LHFPL3: variants seen among roughly 807,000 people sequenced by gnomAD.
The protein encoded by LHFPL3 is LHFPL tetraspan subfamily member 3.
In LHFPL3, 5 loss-of-function variants were observed where a neutral mutation model predicts 19.3. The ratio of observed to expected loss-of-function variants is 0.26; its 90% confidence interval spans 0.14 to 0.54. The LOEUF (loss-of-function observed/expected upper bound fraction) is 0.54, where lower values mean the gene tolerates loss of function less well. Ranked by LOEUF, LHFPL3 falls within the 20% of genes least tolerant of loss-of-function variation. LHFPL3 has a pLI of 0.94. For synonymous variants in LHFPL3, 133 were observed against 126.2 expected (o/e 1.05, Z -0.36); for missense variants, 249 against 307.4 (o/e 0.81, Z 1.42).
At chr7:104,462,378 G>T (rs751616677) in intron 1 of LHFPL3, among the ~76,000 whole-genome samples, 20 of 152,228 alleles carry the variant, frequency 1.3e-4, no homozygotes, top group Non-Finnish European at 2.2e-4. Flanking sequence ...GTCATGGATG[G>T]CTATTATTTT....
intron 1 of LHFPL3, among the ~76,000 whole-genome samples, chr7:104,465,388 C>T (rs185335811): frequency 1.3e-5 from 2 of 152,316 alleles, no homozygotes; most frequent in East Asian, 3.9e-4. Context: ...GTTGATTCCA[C>T]ATTTTCGGGT....
rs1196038792 is a variant in LHFPL3 at position 104,502,769 on chromosome 7, G to A, written c.445+173545G>A. 2.6e-5 allele frequency among the ~76,000 whole-genome samples: 4 copies of A among 152,260 alleles called. No homozygotes were observed. In the East Asian group the frequency reaches 7.7e-4, roughly 29 times the overall value. ...TCCAAGAACATTTATTTTTTCCAAT[G>A]TCGGTATTGTTAGGGCATAAATAGT... On this transcript the variant is annotated intron_variant, in intron 1 of 2. Transcript: ENST00000424859.
At chr7:104,660,023 A>G in intron 1 of LHFPL3, among the ~76,000 whole-genome samples, 1 of 128,334 alleles carries the variant, frequency 7.8e-6, no homozygotes, top group East Asian at 2.3e-4. Context: ...TTTTTTTGAG[A>G]CGGAGTCTCA....
intron 1 of LHFPL3, among the ~76,000 whole-genome samples, chr7:104,488,861 A>G (rs931827116): frequency 2.0e-5 from 3 of 152,216 alleles, no homozygotes; most frequent in Non-Finnish European, 4.4e-5. Context: ...GCCACTGAGA[A>G]TGAGTAGAAA....
At chr7:104,482,404 A>C (rs1793154942) in intron 1 of LHFPL3, among the ~76,000 whole-genome samples, 1 of 152,222 alleles carries the variant, frequency 6.6e-6, no homozygotes, top group African/African-American at 2.4e-5. Context: ...GGGGTCCAAC[A>C]GGGTTAATGC....
chr7:104,375,819 A>C (rs924793264), intron 1 of LHFPL3, among the ~76,000 whole-genome samples: 1 of 152,208 alleles, frequency 6.6e-6, no homozygotes, highest in Non-Finnish European at 1.5e-5. Flanking sequence ...TTTCCAAAGA[A>C]GGCATTATTA....
intron 1 of LHFPL3, among the ~76,000 whole-genome samples, chr7:104,654,131 A>G (rs1446746112): frequency 2.6e-5 from 4 of 152,114 alleles, no homozygotes; most frequent in Non-Finnish European, 5.9e-5. Context: ...GCAGCTCCAC[A>G]TGTGATTTAA....
intron 1 of LHFPL3, among the ~76,000 whole-genome samples, chr7:104,696,112 G>A (rs1001539457): frequency 6.6e-6 from 1 of 151,926 alleles, no homozygotes; most frequent in South Asian, 2.1e-4. Flanking sequence ...CACCACGCCC[G>A]GCTAATTTTT....
chr7:104,829,520 C>T (rs1202133120), intron 2 of LHFPL3, among the ~76,000 whole-genome samples: 1 of 151,676 alleles, frequency 6.6e-6, no homozygotes, highest in African/African-American at 2.4e-5. Context: ...GTGATGTTCC[C>T]CTTCCTGTGT....
intron 2 of LHFPL3, among the ~76,000 whole-genome samples, chr7:104,775,220 C>T (rs191330380): frequency 1.3e-4 from 20 of 152,188 alleles, no homozygotes; most frequent in African/African-American, 4.8e-4. Context: ...GGTGAAACCC[C>T]GTCTCTACTA....
intron 1 of LHFPL3, among the ~76,000 whole-genome samples, chr7:104,474,406 T>C (rs1792967334): frequency 6.6e-6 from 1 of 151,860 alleles, no homozygotes; most frequent in Non-Finnish European, 1.5e-5. Context: ...GTCTCACGCC[T>C]GTAATCCCAG....
chr7:104,448,407 C>G (rs1210581825), intron 1 of LHFPL3, among the ~76,000 whole-genome samples: 1 of 152,114 alleles, frequency 6.6e-6, no homozygotes, highest in South Asian at 2.1e-4. Context: ...CTATAATTAC[C>G]CAGTTTTGGT....
intron 1 of LHFPL3, among the ~76,000 whole-genome samples, chr7:104,482,217 A>T (rs2073789): frequency 0.27 from 40,335 of 152,050 alleles, 6,391 homozygotes; most frequent in African/African-American, 0.44. Flanking sequence ...ATCCTTGCTT[A>T]GCTCCTTCCT....
At chr7:104,355,935 A>G (rs1790264440) in intron 1 of LHFPL3, among the ~76,000 whole-genome samples, 1 of 152,230 alleles carries the variant, frequency 6.6e-6, no homozygotes, top group South Asian at 2.1e-4. Context: ...GAAATATATG[A>G]TATAGAAAGA....
At chr7:104,764,637 C>T (rs955442822) in intron 2 of LHFPL3, among the ~76,000 whole-genome samples, 6 of 152,126 alleles carry the variant, frequency 3.9e-5, no homozygotes, top group African/African-American at 1.2e-4. Context: ...ATGGAAACTG[C>T]GCCTTATACA....
chr7:104,571,408 C>T (rs1194089925), intron 1 of LHFPL3, among the ~76,000 whole-genome samples: 2 of 152,044 alleles, frequency 1.3e-5, no homozygotes, highest in African/African-American at 4.8e-5. Flanking sequence ...GGATAGAGTT[C>T]TGTGTTTCAG....
At chr7:104,391,232 T>C (rs1369152740) in intron 1 of LHFPL3, among the ~76,000 whole-genome samples, 1 of 152,222 alleles carries the variant, frequency 6.6e-6, no homozygotes, top group Non-Finnish European at 1.5e-5. Flanking sequence ...CCATTGCTTT[T>C]GGTGTTTTAG....
intron 1 of LHFPL3, among the ~76,000 whole-genome samples, chr7:104,523,127 A>C (rs906791781): frequency 6.6e-6 from 1 of 152,058 alleles, no homozygotes; most frequent in Non-Finnish European, 1.5e-5. Context: ...CTAGTTGTTT[A>C]CTCAAAACTT....
At chr7:104,876,790 G>A (rs1350099777) in intron 2 of LHFPL3, among the ~76,000 whole-genome samples, 1 of 152,138 alleles carries the variant, frequency 6.6e-6, no homozygotes, top group African/African-American at 2.4e-5. Context: ...ATACCCAAAG[G>A]ATTATAAATC....
Sources: gnomAD v4.1 joint callset for allele counts (sites outside exome capture counted in the v4.1 genomes callset) on GRCh38, gnomAD v4.1.1 for gene constraint, MANE v1.5 for transcripts, NCBI Gene and HGNC (gene_info 2026-07-23, HGNC 2026-07-21) for gene names.